Variants in RBPJ observed in about 807,000 individuals in gnomAD.
RBPJ encodes the protein recombining binding protein suppressor of hairless.
Under a neutral mutation model 67.8 loss-of-function variants are expected in RBPJ, and 9 were observed. The ratio of observed to expected loss-of-function variants is 0.13; its 90% CI spans 0.08 to 0.23. The LOEUF (loss-of-function observed/expected upper bound fraction) is 0.23, where lower values mean the gene tolerates loss of function less well. Among genes scored for constraint, RBPJ ranks in the 10% least tolerant of loss-of-function variants. The probability of loss-of-function intolerance (pLI) is 1.00; values close to 1 mark genes in which losing one functional copy is unlikely to be tolerated. For missense variants in RBPJ, 305 were observed against 595.6 expected (o/e 0.51, Z 5.08); for synonymous variants, 198 against 203.3 (o/e 0.97, Z 0.22).
chr4:26,427,875 C>T (rs1735834155), intron 7 of RBPJ, among the ~76,000 whole-genome samples: 1 of 152,192 alleles, frequency 6.6e-6, no homozygotes, highest in South Asian at 2.1e-4. Context: ...AGTAAAAGTT[C>T]TGTGTCAAAT....
chr4:26,385,894 T>C (rs1356459111), intron 1 of RBPJ, among the ~76,000 whole-genome samples: 2 of 151,988 alleles, frequency 1.3e-5, no homozygotes, highest in Admixed American at 6.6e-5. Context: ...CCTTGAACCC[T>C]TGGGCTCAGT....
the RBPJ span, among the ~76,000 whole-genome samples, chr4:26,154,365 G>A: frequency 6.6e-6 from 1 of 152,174 alleles, no homozygotes; most frequent in Non-Finnish European, 1.5e-5. Flanking sequence ...ATTCTGACAA[G>A]TGTCTGTGCA....
chr4:26,260,357 T>C (rs566244901), intron 1 of RBPJ, among the ~76,000 whole-genome samples: 37 of 152,328 alleles, frequency 2.4e-4, no homozygotes, highest in African/African-American at 8.9e-4. Context: ...AAAGGGTCAC[T>C]ACTAACTATT....
chr4:26,247,239 A>T (rs1719957815), intron 1 of RBPJ, among the ~76,000 whole-genome samples: 1 of 152,020 alleles, frequency 6.6e-6, no homozygotes, highest in Non-Finnish European at 1.5e-5. Context: ...TGGATTTAAT[A>T]ACACTTTTAA....
chr4:26,109,824 A>G, the RBPJ span, among the ~76,000 whole-genome samples: 1 of 151,706 alleles, frequency 6.6e-6, no homozygotes, highest in African/African-American at 2.4e-5. Flanking sequence ...CTTTATAACA[A>G]TAATTCTTAT....
intron 2 of RBPJ, among the ~76,000 whole-genome samples, chr4:26,397,203 CG>C (rs1271283282): frequency 1.3e-5 from 2 of 152,064 alleles, no homozygotes; most frequent in Non-Finnish European, 2.9e-5. Flanking sequence ...CTTTGTAAAC[CG>C]TAAGTATTGT....
At chr4:26,255,403 C>CAAAAAAA (rs766336628) in intron 1 of RBPJ, among the ~76,000 whole-genome samples, 31 of 34,538 alleles carry the variant, frequency 9.0e-4, no homozygotes, top group African/African-American at 4.4e-3. Context: ...GACTCCGTCT[C>CAAAAAAA]AAAAAAAAAA....
intron 1 of RBPJ, among the ~76,000 whole-genome samples, chr4:26,299,223 G>A (rs1338446796): frequency 2.6e-5 from 4 of 152,082 alleles, no homozygotes; most frequent in Admixed American, 1.3e-4. Flanking sequence ...TATCCTATGC[G>A]TTTCTCATTT....
At position 26,433,458 on chromosome 4, in the gene RBPJ, ACC is replaced by A. The variant is rs1164165781; in HGVS notation, c.*2453_*2454del. The A allele has an allele frequency of 6.6e-6, 1 of 152,186 alleles. No homozygotes were observed. The highest frequency in any genetic ancestry group is 1.5e-5 in the Non-Finnish European group (1 of 68,022). The allele number at this position is 152,186 out of a possible 1,614,324, so 9.4% of individuals were successfully genotyped here. ...ACTTTTGAAGAACAAACTATTCCTT[ACC>A]CATTTTTGTAGCTCAAAAATAATTT... On this transcript the variant is annotated 3_prime_UTR_variant, in exon 11 of 11. Coordinates refer to ENST00000355476, the MANE Select transcript of RBPJ (RefSeq NM_015874.6).
At chr4:26,329,260 T>A (rs1394697613) in intron 1 of RBPJ, among the ~76,000 whole-genome samples, 4 of 152,180 alleles carry the variant, frequency 2.6e-5, no homozygotes, top group Non-Finnish European at 4.4e-5. Context: ...CCCAAAGTGC[T>A]AGGATTACAG....
chr4:26,300,532 C>T (rs1425659600), intron 1 of RBPJ, among the ~76,000 whole-genome samples: 1 of 152,210 alleles, frequency 6.6e-6, no homozygotes, highest in Non-Finnish European at 1.5e-5. Flanking sequence ...GTGGAATGTA[C>T]TACTAAGCAA....
At chr4:26,299,798 C>G (rs756770880) in intron 1 of RBPJ, among the ~76,000 whole-genome samples, 1 of 150,444 alleles carries the variant, frequency 6.6e-6, no homozygotes. Flanking sequence ...CCTGCCTGAG[C>G]CTTCCAAGTA....
rs1719630346 is a variant in RBPJ, at chr4:26,241,315, G to GA, written c.-167+77708dup. Among the ~76,000 whole-genome samples the GA allele has an allele frequency of 3.9e-5, 6 of 152,054 alleles. No individual in the cohort carries two copies. The South Asian group carries it at 1.2e-3, about 32-fold the overall frequency. On this transcript the variant is annotated intron_variant, in intron 1 of 4. Transcript: ENST00000512351. Reference sequence around the variant, plus strand: ...GTTAGTGCTGGTGAAATCTTTGTGTGAAAAAAAGAGCTGACATTGGAGACT... The same window carrying GA: ...GTTAGTGCTGGTGAAATCTTTGTGTGAAAAAAAAGAGCTGACATTGGAGACT...
At chr4:26,302,540 G>A (rs761491912) in intron 1 of RBPJ, among the ~76,000 whole-genome samples, 42 of 152,146 alleles carry the variant, frequency 2.8e-4, no homozygotes, top group Non-Finnish European at 5.6e-4. Flanking sequence ...TCTCCCCAGC[G>A]TTGGGGTCCT....
At chr4:26,110,572 A>G in the RBPJ span, among the ~76,000 whole-genome samples, 1 of 152,264 alleles carries the variant, frequency 6.6e-6, no homozygotes. The surrounding 1 kb of genome is among the most constrained non-coding windows in gnomAD (Gnocchi z 4.5). Flanking sequence ...ATAATTTGGC[A>G]TGCACAAACA....
At chr4:26,212,129 A>G (rs1170602716) in intron 1 of RBPJ, among the ~76,000 whole-genome samples, 1 of 152,132 alleles carries the variant, frequency 6.6e-6, no homozygotes, top group Non-Finnish European at 1.5e-5. Context: ...CAACAACCCT[A>G]GCAAACTAAT....
At chr4:26,206,475 G>T (rs894707939) in intron 1 of RBPJ, among the ~76,000 whole-genome samples, 2 of 152,118 alleles carry the variant, frequency 1.3e-5, no homozygotes, top group African/African-American at 4.8e-5. Context: ...CAGGCTCTAG[G>T]TTAACTTCTG....
chr4:26,322,422 G>C (rs1723182300), intron 1 of RBPJ: 1 of 152,158 alleles, frequency 6.6e-6, no homozygotes, highest in African/African-American at 2.4e-5. Flanking sequence ...AGGAAAAGGA[G>C]AGGCATTCCG....
At chr4:26,317,121 G>C (rs1560259107), upstream of RBPJ, among the ~76,000 whole-genome samples, 1 of 151,506 alleles carries the variant, frequency 6.6e-6, no homozygotes, top group Admixed American at 6.6e-5. Context: ...ATAATGGAAG[G>C]AGGCAGATAG....
Sources: gnomAD v4.1 joint callset for allele counts (sites outside exome capture counted in the v4.1 genomes callset) on GRCh38, gnomAD v4.1.1 for gene constraint, Gnocchi (gnomAD v3.1) non-coding constraint, MANE v1.5 for transcripts, NCBI Gene and HGNC (gene_info 2026-07-23, HGNC 2026-07-21) for gene names.